The following FRAS1 variants were observed in gnomAD, a reference collection of about 807,000 sequenced individuals.
FRAS1 encodes the protein extracellular matrix organizing protein FRAS1.
In FRAS1, 290 loss-of-function variants were observed where a neutral mutation model predicts 435.2. That is an observed-to-expected ratio of 0.67 (90% CI 0.61 to 0.73). The LOEUF (loss-of-function observed/expected upper bound fraction) is 0.73. Among genes scored for constraint, FRAS1 ranks in the 30% least tolerant of loss-of-function variants. FRAS1 has a pLI of 0.00. For synonymous variants in FRAS1, 1,800 were observed against 1,851.0 expected (o/e 0.97, Z 0.71); for missense variants, 4,860 against 5,001.5 (o/e 0.97, Z 0.85).
intron 32 of FRAS1, 133 bp downstream of exon 32, chr4:78,413,218 CT>C (rs1271415950): frequency 1.9e-6 from 1 of 514,576 alleles, no homozygotes; most frequent in African/African-American, 2.0e-5. Context: ...GCCAAAAAGC[CT>C]AGTGGTCACA....
At position 78,261,782 on chromosome 4, in the gene FRAS1, G is replaced by A. The variant is rs1726119404; in HGVS notation, c.604-3243G>A. On this transcript the variant is annotated intron_variant, in intron 6 of 73. Transcript: ENST00000512123. ...ACAGCTACTCTAAAAAAACACTCAGGTTTAAGTGTTTCTTTGGGTCTTCAT... is the reference window on the plus strand; with the variant it reads ...ACAGCTACTCTAAAAAAACACTCAGATTTAAGTGTTTCTTTGGGTCTTCAT... Among the ~76,000 whole-genome samples, 6 of 152,208 alleles carry A rather than the reference G, an allele frequency of 3.9e-5. 1 individual carries two copies. In the South Asian group the frequency reaches 1.2e-3, roughly 32 times the overall value.
intron 20 of FRAS1, among the ~76,000 whole-genome samples, chr4:78,338,580 T>G (rs371923): frequency 0.069 from 10,560 of 152,298 alleles, 705 homozygotes; most frequent in African/African-American, 0.18. Flanking sequence ...TTCTCCTTTA[T>G]TAGCTGTTGC....
chr4:78,211,426 T>C (rs1264263508), intron 2 of FRAS1, among the ~76,000 whole-genome samples: 2 of 152,220 alleles, frequency 1.3e-5, no homozygotes, highest in East Asian at 3.9e-4. Context: ...GACACCCTAA[T>C]AGAAGGGGCT....
intron 2 of FRAS1, among the ~76,000 whole-genome samples, chr4:78,132,330 C>T (rs1389617648): frequency 6.6e-6 from 1 of 152,086 alleles, no homozygotes; most frequent in East Asian, 1.9e-4. Context: ...GTTTGGTGGT[C>T]CATAATATGC....
intron 34 of FRAS1, among the ~76,000 whole-genome samples, chr4:78,423,015 C>A (rs1733850998): frequency 6.6e-6 from 1 of 152,082 alleles, no homozygotes; most frequent in Non-Finnish European, 1.5e-5. Flanking sequence ...TCCACAAAGC[C>A]CAGCATACCC....
chr4:78,434,570 C>T (rs550795071), intron 38 of FRAS1, among the ~76,000 whole-genome samples: 152 of 152,106 alleles, frequency 1.0e-3, no homozygotes, highest in Non-Finnish European at 1.8e-3. Flanking sequence ...ATATTACATA[C>T]CTATGAGTAA....
At chr4:78,152,483 A>C (rs1720707160) in intron 2 of FRAS1, among the ~76,000 whole-genome samples, 1 of 152,140 alleles carries the variant, frequency 6.6e-6, no homozygotes, top group African/African-American at 2.4e-5. Flanking sequence ...GCTTTAATTC[A>C]GACCTAATTG....
chr4:78,166,798 G>GA (rs1302434546), intron 2 of FRAS1, among the ~76,000 whole-genome samples: 4 of 151,832 alleles, frequency 2.6e-5, no homozygotes, highest in Admixed American at 6.6e-5. Flanking sequence ...TGGACTGTGA[G>GA]AAAAAAAATG....
At chr4:78,115,928 T>A (rs1743135897) in intron 2 of FRAS1, among the ~76,000 whole-genome samples, 1 of 152,218 alleles carries the variant, frequency 6.6e-6, no homozygotes, top group Non-Finnish European at 1.5e-5. Context: ...TGTTAGGTTG[T>A]CAATTTTAGA....
chr4:78,281,748 A>G (rs1727341360), intron 11 of FRAS1, among the ~76,000 whole-genome samples: 1 of 152,092 alleles, frequency 6.6e-6, no homozygotes, highest in Non-Finnish European at 1.5e-5. Flanking sequence ...CAGTTTAACC[A>G]TCAGTAGAGT....
chr4:78,506,922 C>A (rs937518716), intron 61 of FRAS1, among the ~76,000 whole-genome samples: 1 of 152,186 alleles, frequency 6.6e-6, no homozygotes, highest in African/African-American at 2.4e-5. Context: ...TGAACCCTCA[C>A]CTGTTCCAGG....
intron 2 of FRAS1, among the ~76,000 whole-genome samples, chr4:78,130,519 C>T (rs1719633484): frequency 6.6e-6 from 1 of 151,854 alleles, no homozygotes; most frequent in Non-Finnish European, 1.5e-5. Flanking sequence ...TCAACTTTTT[C>T]CCCCCATTTT....
intron 2 of FRAS1, among the ~76,000 whole-genome samples, chr4:78,194,322 T>G (rs146459556): frequency 0.019 from 2,822 of 152,292 alleles, 93 homozygotes; most frequent in African/African-American, 0.064. Context: ...TTGGCCTGCC[T>G]TGCTAGATTG....
At chr4:78,360,177 G>A (rs1220868077) in intron 20 of FRAS1, among the ~76,000 whole-genome samples, 1 of 152,194 alleles carries the variant, frequency 6.6e-6, no homozygotes, top group African/African-American at 2.4e-5. Context: ...AGAGGAGAGA[G>A]TTTTGAGAAG....
intron 67 of FRAS1, among the ~76,000 whole-genome samples, 200 bp from the exon 68 acceptor site, chr4:78,521,321 CAA>C (rs758024131): frequency 7.4e-6 from 1 of 134,920 alleles, no homozygotes; most frequent in Admixed American, 7.4e-5. Flanking sequence ...GGAACCATTA[CAA>C]AAAAAAAAAG....
chr4:78,220,837 C>G (rs1261048234), intron 2 of FRAS1, among the ~76,000 whole-genome samples: 1 of 152,088 alleles, frequency 6.6e-6, no homozygotes, highest in Non-Finnish European at 1.5e-5. Context: ...ATACTAGTAG[C>G]ATTTTTTTCT....
intron 2 of FRAS1, among the ~76,000 whole-genome samples, chr4:78,083,528 T>C (rs1560511920): frequency 6.6e-6 from 1 of 150,986 alleles, no homozygotes. Context: ...CGCATGGAAA[T>C]AAAAAGCCTA....
chr4:78,278,743 T>C lies in FRAS1; in HGVS notation c.1070T>C (p.Phe357Ser). The C allele has an allele frequency of 6.4e-7, 1 of 1,558,154 alleles. No individual in the cohort carries two copies. The highest frequency in any genetic ancestry group is 8.8e-7 in the Non-Finnish European group (1 of 1,130,496). ...TGTGTTTATGAAGAAACTGGAGAAT[T>C]TGTGAGTATCAGGCTTATAACCGAA... Reference protein sequence around the residue: ...GYCVYEETGEFMSSNASEVKR... With the variant: ...GYCVYEETGESMSSNASEVKR... The change falls in exon 10 of 74, where the codon TTT becomes TCT. Residue 357 changes from phenylalanine to serine, a missense_variant and splice_region_variant. Phe to Ser is a radical substitution (Grantham distance 155, BLOSUM62 -2). Coordinates refer to ENST00000512123, the MANE Select transcript of FRAS1 (RefSeq NM_025074.7).
chr4:78,338,081 C>T, intron 20 of FRAS1: 1 of 412,220 alleles, frequency 2.4e-6, no homozygotes, highest in Non-Finnish European at 4.5e-6. Flanking sequence ...ATGATAATAG[C>T]ACCTTTATAT....
Sources: gnomAD v4.1 joint callset for allele counts (sites outside exome capture counted in the v4.1 genomes callset) on GRCh38, gnomAD v4.1.1 for gene constraint, MANE v1.5 for transcripts, NCBI Gene and HGNC (gene_info 2026-07-23, HGNC 2026-07-21) for gene names.